KMT2C: variants seen among roughly 807,000 people sequenced by gnomAD.
KMT2C encodes the protein lysine methyltransferase 2C, also known as histone-lysine N-methyltransferase 2C.
In KMT2C, 88 loss-of-function variants were observed where a neutral mutation model predicts 507.9. That is an observed-to-expected ratio of 0.17 (90% CI 0.15 to 0.21). The LOEUF (loss-of-function observed/expected upper bound fraction) is 0.21. Among genes scored for constraint, KMT2C ranks in the 10% least tolerant of loss-of-function variants. The pLI is 1.00. For missense variants in KMT2C, 4,954 were observed against 5,957.8 expected, an observed-to-expected ratio of 0.83 and a Z score of 5.55; for synonymous variants, 2,049 against 2,080.8, an observed-to-expected ratio of 0.98 and a Z score of 0.42.
chr7:152,301,925 G>A (rs1249256806), intron 6 of KMT2C, among the ~76,000 whole-genome samples: 1 of 152,086 alleles, frequency 6.6e-6, no homozygotes, highest in African/African-American at 2.4e-5. Context: ...ACTATACACT[G>A]TTTTTCAACT....
intron 1 of KMT2C, among the ~76,000 whole-genome samples, chr7:152,363,853 C>T (rs1343156233): frequency 6.6e-6 from 1 of 152,166 alleles, no homozygotes; most frequent in African/African-American, 2.4e-5. Flanking sequence ...GAAGACTGAA[C>T]AAGAACAACT....
intron 6 of KMT2C, among the ~76,000 whole-genome samples, chr7:152,300,488 G>A (rs1281391994): frequency 3.3e-5 from 5 of 152,138 alleles, no homozygotes; most frequent in South Asian, 2.1e-4. Context: ...TTGTATTTTC[G>A]TTAAGGGGGA....
chr7:152,329,955 C>A (rs765705901), intron 3 of KMT2C, among the ~76,000 whole-genome samples: 1 of 151,732 alleles, frequency 6.6e-6, no homozygotes, highest in Admixed American at 6.6e-5. Context: ...ACCATCCTGG[C>A]CAACATGGTG....
rs1554526666 is a variant in KMT2C, at chr7:152,205,193, G to C, written c.3874C>G (p.Arg1292Gly). Residue 1292 changes from arginine (R) to glycine (G), a missense_variant, in exon 25 of 59, where the codon CGA becomes GGA. This residue lies in a region of KMT2C where 176 missense variants were observed against 262.0 expected (regional missense o/e 0.67). Transcript: ENST00000262189. ...CTTTTGGTTTTCCCTTGCCCAGTTC[G>C]ACTTCTTTGCCGCACCATAAATCCA... ...IGGFMVRQRSRTGQGKTKRSV... is the reference protein window; with the variant it reads ...IGGFMVRQRSGTGQGKTKRSV... 6.2e-7 allele frequency: 1 copy of C among 1,610,472 alleles called. No individual in the cohort carries two copies. The highest frequency in any genetic ancestry group is 1.3e-5 in the African/African-American group (1 of 74,702).
At chr7:152,364,425 G>C (rs1420295011) in intron 1 of KMT2C, among the ~76,000 whole-genome samples, 1 of 151,894 alleles carries the variant, frequency 6.6e-6, no homozygotes, top group Non-Finnish European at 1.5e-5. Context: ...GGCTAACATG[G>C]TGAAACCCCA....
intron 39 of KMT2C, among the ~76,000 whole-genome samples, 184 bp from the exon 40 acceptor site, chr7:152,171,526 T>A (rs2092962385): frequency 6.6e-6 from 1 of 152,214 alleles, no homozygotes; most frequent in East Asian, 1.9e-4. Context: ...TCACTGTAAT[T>A]CGATGAAGTG....
chr7:152,262,981 G>C, intron 9 of KMT2C, 35 bp downstream of exon 9: 1 of 1,497,142 alleles, frequency 6.7e-7, no homozygotes. Context: ...AAAACATAGA[G>C]AGGATTTAAA....
chr7:152,236,634 T>C (rs2095280539), intron 15 of KMT2C, among the ~76,000 whole-genome samples: 2 of 152,250 alleles, frequency 1.3e-5, no homozygotes, highest in Admixed American at 1.3e-4. Context: ...AGTTCTCTTA[T>C]GAACTCAACA....
In KMT2C at chr7:152,148,111, CCTT is replaced by C. The variant is rs1323169259; in HGVS notation, c.13813_13815del (p.Lys4605del). On this transcript the variant is annotated inframe_deletion, in exon 52 of 59. Coordinates refer to ENST00000262189, the MANE Select transcript of KMT2C (RefSeq NM_170606.3). The surrounding 1 kb of genome is among the most constrained non-coding windows in gnomAD (Gnocchi z 7.1). Reference sequence around the variant, plus strand: ...CTGATGACAAACACTGGGCGCCCATCCTTCTCCTCAATGGAGCACAGGTAGCGG... The same window carrying C: ...CTGATGACAAACACTGGGCGCCCATCCTCCTCAATGGAGCACAGGTAGCGG... The C allele has an allele frequency of 6.2e-7, 1 of 1,611,826 alleles. No homozygotes were observed. The highest frequency in any genetic ancestry group is 2.2e-5 in the East Asian group (1 of 44,810).
At chr7:152,279,718 A>G (rs1424458274) in intron 6 of KMT2C, among the ~76,000 whole-genome samples, 4 of 152,212 alleles carry the variant, frequency 2.6e-5, no homozygotes, top group African/African-American at 9.6e-5. Flanking sequence ...AAACGACATT[A>G]CAAAATCAAA....
chr7:152,260,511 G>C (rs559696301), intron 9 of KMT2C, among the ~76,000 whole-genome samples: 29 of 151,988 alleles, frequency 1.9e-4, no homozygotes, highest in Admixed American at 1.9e-3. Flanking sequence ...GGGGTGGCGT[G>C]GGGGATGGGG....
chr7:152,346,929 C>T (rs1326471594), intron 2 of KMT2C, among the ~76,000 whole-genome samples: 1 of 152,070 alleles, frequency 6.6e-6, no homozygotes, highest in Non-Finnish European at 1.5e-5. Context: ...GATAAGAGAC[C>T]ATCCTGGCTA....
In KMT2C at chr7:152,252,198, G is replaced by A. The variant is rs140137924; in HGVS notation, c.1470-108C>T. On this transcript the variant is annotated intron_variant, in intron 10 of 58. Transcript: ENST00000262189. ...GATATGAAAACAGTTAATTAAGTAT[G>A]AGAGGAGAGAGGTTAGAGGAGTTGC... The A allele has an allele frequency of 2.2e-4, 169 of 770,928 alleles. 1 individual carries two copies. The African/African-American group carries it at 2.5e-3, about 12-fold the overall frequency. The allele number at this position is 770,928 out of a possible 1,614,324, so 47.8% of individuals were successfully genotyped here.
chr7:152,166,937 C>T (rs899807636), intron 42 of KMT2C, among the ~76,000 whole-genome samples: 7 of 152,160 alleles, frequency 4.6e-5, no homozygotes, highest in Non-Finnish European at 8.8e-5. Flanking sequence ...TTAGTATGTG[C>T]TGTGACCGTC....
chr7:152,390,218 A>AT (rs914152031), intron 1 of KMT2C, among the ~76,000 whole-genome samples: 11 of 28,990 alleles, frequency 3.8e-4, no homozygotes, highest in East Asian at 1.6e-3. Flanking sequence ...AATAAAATAA[A>AT]TTTTTTTTTA....
rs556426083 is a variant in KMT2C, at chr7:152,355,421, A to G, written c.250+3166T>C. 9.8e-5 allele frequency among the ~76,000 whole-genome samples: 15 copies of G among 152,314 alleles called. 1 individual carries two copies. In the South Asian group the frequency reaches 3.1e-3, roughly 32 times the overall value. On this transcript the variant is annotated intron_variant, in intron 2 of 58. Transcript: ENST00000262189. ...GAGCTGGTGACGTAATTTTAGAGTCATTAGCATTTAGATAACATAATAATA... is the reference window on the plus strand; with the variant it reads ...GAGCTGGTGACGTAATTTTAGAGTCGTTAGCATTTAGATAACATAATAATA...
At chr7:152,357,248 G>C (rs1240684494) in intron 2 of KMT2C, among the ~76,000 whole-genome samples, 1 of 151,936 alleles carries the variant, frequency 6.6e-6, no homozygotes, top group Admixed American at 6.6e-5. Context: ...CAATAGGCCA[G>C]GCACAGTGGC....
Position 152,167,287 on chromosome 7 carries a change from A to C in KMT2C, c.9609T>G (p.Gly3203=). The C allele has an allele frequency of 6.2e-7, 1 of 1,614,044 alleles. No individual in the cohort carries two copies. ...GGGCCTTCTTAGATTTTCTGTGAGC[A>C]CCAATTTGTTCTTCAAGATACTTCT... The part of the protein sequence containing the change: ...MQQKYLEEQI[G]AHRKSKKALS... Residue 3203 remains glycine (G), a synonymous_variant, in exon 42 of 59, where the codon GGT becomes GGG. Coordinates refer to ENST00000262189, the MANE Select transcript of KMT2C (RefSeq NM_170606.3).
chr7:152,230,101 C>T lies in KMT2C; in HGVS notation c.2872-74G>A, dbSNP rs549625589. ...ACCTACAAATTTTACTTTAAAAATA[C>T]CTTCTTAACTAATATAGCTCTATAG... On this transcript the variant is annotated intron_variant, in intron 17 of 58. Transcript: ENST00000262189. 1.6e-4 allele frequency: 133 copies of T among 855,968 alleles called. No homozygotes were observed. The African/African-American group carries it at 2.1e-3, about 13-fold the overall frequency. 53.0% of individuals were successfully genotyped at this position (855,968 alleles called of 1,614,324 possible).
Sources: gnomAD v4.1 joint callset for allele counts (sites outside exome capture counted in the v4.1 genomes callset) on GRCh38, gnomAD v4.1.1 for gene constraint, gnomAD v4.1.1 regional missense constraint, Gnocchi (gnomAD v3.1) non-coding constraint, MANE v1.5 for transcripts, NCBI Gene and HGNC (gene_info 2026-07-23, HGNC 2026-07-21) for gene names.